The following IMPG2 variants were observed in gnomAD, a reference collection of about 807,000 sequenced individuals.
IMPG2 encodes interphotoreceptor matrix proteoglycan 2, also known as IPM 200.
A neutral mutation model predicts 129.2 loss-of-function variants in IMPG2; 91 were observed. The ratio of observed to expected loss-of-function variants is 0.70; its 90% CI spans 0.59 to 0.84. The LOEUF is 0.84. IMPG2 is among the 40% of genes least tolerant of loss of function. The pLI is 0.00. For synonymous variants in IMPG2, 510 were observed against 517.7 expected (o/e 0.99, Z 0.20); for missense variants, 1,430 against 1,461.7 (o/e 0.98, Z 0.35).
intron 18 of IMPG2, 36 bp from the exon 19 acceptor site, chr3:101,227,017 A>C (rs751353632): frequency 6.8e-5 from 110 of 1,611,678 alleles, no homozygotes; most frequent in Non-Finnish European, 9.3e-5. Context: ...TCAGTAAAAA[A>C]AAAGCAAGAA....
At chr3:101,311,948 A>C (rs938738344) in intron 2 of IMPG2, among the ~76,000 whole-genome samples, 1 of 152,198 alleles carries the variant, frequency 6.6e-6, no homozygotes, top group Non-Finnish European at 1.5e-5. Flanking sequence ...GGAAAAGAAT[A>C]GCCTTTTCGA....
At chr3:101,245,656 G>A in intron 12 of IMPG2, 146 bp downstream of exon 12, 1 of 776,332 alleles carries the variant, frequency 1.3e-6, no homozygotes. Flanking sequence ...AAATTTGATT[G>A]TTTCCTCTCA....
At position 101,224,383 on chromosome 3, in the gene IMPG2, T is replaced by C. The variant is rs2107197895; in HGVS notation, c.*2586A>G. 1 of 152,378 alleles carries C rather than the reference T, an allele frequency of 6.6e-6. No homozygotes were observed. Among genetic ancestry groups the C allele is most frequent in the African/African-American group, 2.4e-5 (1 of 41,594 alleles). The allele number at this position is 152,378 out of a possible 1,614,324, so 9.4% of individuals were successfully genotyped here. ...AAATGGTTATTTACCATGCATTTTA[T>C]TGCTAACTGCATTTTAGTATTTTCA... is the stretch of plus-strand genomic sequence containing the variant. On this transcript the variant is annotated 3_prime_UTR_variant, in exon 19 of 19. Coordinates refer to ENST00000193391, the MANE Select transcript of IMPG2 (RefSeq NM_016247.4).
Position 101,320,448 on chromosome 3 carries a change from CAA to C in IMPG2, c.-78_-77del. On this transcript the variant is annotated 5_prime_UTR_variant, in exon 1 of 19. It removes the in-frame stop codon of an upstream open reading frame in the 5' UTR. Transcript: ENST00000193391. ...TCCAAATCCTTGAAACTTCCAATAACAAAGAGTTATAGGAAAGACCTAACATT... is the reference window on the plus strand; with the variant it reads ...TCCAAATCCTTGAAACTTCCAATAACAGAGTTATAGGAAAGACCTAACATT... 1.1e-6 allele frequency: 1 copy of C among 892,236 alleles called. No homozygotes were observed. The highest frequency in any genetic ancestry group is 1.8e-5 in the Admixed American group (1 of 54,520). The allele number at this position is 892,236 out of a possible 1,614,324, so 55.3% of individuals were successfully genotyped here.
chr3:101,310,516 C>A (rs1168506016), intron 2 of IMPG2, among the ~76,000 whole-genome samples: 1 of 146,828 alleles, frequency 6.8e-6, no homozygotes, highest in South Asian at 2.1e-4. Flanking sequence ...GGTGTAATCA[C>A]ACCACTGCAC....
chr3:101,278,287 A>C (rs533514146), intron 4 of IMPG2, among the ~76,000 whole-genome samples: 7 of 152,296 alleles, frequency 4.6e-5, no homozygotes, highest in African/African-American at 1.7e-4. Context: ...AACTTCCTAA[A>C]GTAATTTGAT....
intron 10 of IMPG2, among the ~76,000 whole-genome samples, chr3:101,255,178 C>G (rs1706585420): frequency 6.6e-6 from 1 of 152,056 alleles, no homozygotes; most frequent in African/African-American, 2.4e-5. Context: ...AGGATCATAT[C>G]TTTTGAGATA....
In IMPG2 at chr3:101,223,629, G is replaced by A. The variant is rs1706188477; in HGVS notation, c.*3340C>T. 6.6e-6 allele frequency: 1 copy of A among 152,164 alleles called. No homozygotes were observed. Among genetic ancestry groups the A allele is most frequent in the South Asian group, 2.1e-4 (1 of 4,824 alleles). 9.4% of individuals were successfully genotyped at this position (152,164 alleles called of 1,614,324 possible). On this transcript the variant is annotated 3_prime_UTR_variant, in exon 19 of 19. Coordinates refer to ENST00000193391, the MANE Select transcript of IMPG2 (RefSeq NM_016247.4). ...ATACTTCAGCCAACCTACTTTTAGA[G>A]CCTACAAAGAATATTTGTGCAGTTT...
chr3:101,229,300 A>ACCCCCCCCCACCCCCCCCCCCCCC, intron 17 of IMPG2, 80 bp downstream of exon 17: 1 of 859,118 alleles, frequency 1.2e-6, no homozygotes. Flanking sequence ...ACTCATACAC[A>ACCCCCCCCCACCCCCCCCCCCCCC]CCCCCACCCA....
At chr3:101,309,932 A>G (rs1056136411) in intron 2 of IMPG2, among the ~76,000 whole-genome samples, 1 of 152,240 alleles carries the variant, frequency 6.6e-6, no homozygotes, top group African/African-American at 2.4e-5. Context: ...AAAAGAGCAC[A>G]TACTATTCTA....
chr3:101,268,616 T>C (rs890233964), intron 8 of IMPG2, among the ~76,000 whole-genome samples: 1 of 31,626 alleles, frequency 3.2e-5, no homozygotes, highest in Non-Finnish European at 8.8e-5. Flanking sequence ...TGTGTGTAAA[T>C]ATACATATAT....
chr3:101,277,170 G>T (rs62282875), intron 4 of IMPG2, among the ~76,000 whole-genome samples: 1 of 152,016 alleles, frequency 6.6e-6, no homozygotes, highest in Non-Finnish European at 1.5e-5. Flanking sequence ...AGCTGCATGT[G>T]GTTAATGGCC....
At chr3:101,302,222 T>C (rs923943363) in intron 3 of IMPG2, among the ~76,000 whole-genome samples, 13 of 152,236 alleles carry the variant, frequency 8.5e-5, no homozygotes, top group African/African-American at 3.1e-4. Flanking sequence ...CCTTCAAATA[T>C]AAATTTACTA....
chr3:101,247,739 T>C (rs1021794889), intron 11 of IMPG2, among the ~76,000 whole-genome samples: 1 of 152,206 alleles, frequency 6.6e-6, no homozygotes, highest in Non-Finnish European at 1.5e-5. Flanking sequence ...AGTTCCCTAG[T>C]AGAGGAAATG....
chr3:101,228,961 G>A (rs1021112200), intron 17 of IMPG2, 85 bp from the exon 18 acceptor site: 9 of 980,046 alleles, frequency 9.2e-6, no homozygotes, highest in African/African-American at 6.4e-5. Flanking sequence ...TTTTCATAAG[G>A]AATTGTTACA....
At chr3:101,235,673 C>T (rs2107210827) in intron 14 of IMPG2, among the ~76,000 whole-genome samples, 1 of 152,190 alleles carries the variant, frequency 6.6e-6, no homozygotes, top group South Asian at 2.1e-4. Context: ...AAAGGGTGCC[C>T]AGGTAGCTAA....
rs151199078 is a variant in IMPG2 at position 101,226,543 on chromosome 3, C to T, written c.*426G>A. The T allele has an allele frequency of 8.7e-3, 1,402 of 160,868 alleles. 15 individuals carry two copies. The highest frequency in any genetic ancestry group is 0.016 in the Middle Eastern group (5 of 314). The allele number at this position is 160,868 out of a possible 1,614,324, so 10.0% of individuals were successfully genotyped here. A position where few individuals can be genotyped will look rare whatever the true frequency, so the allele number is the denominator to read the frequency against. On this transcript the variant is annotated 3_prime_UTR_variant, in exon 19 of 19. Transcript: ENST00000193391. ...GGTTTCCCCTTCTACCCAACAATAA[C>T]AAATATGCTCCAAAATATTCCCTTA...
intron 6 of IMPG2, among the ~76,000 whole-genome samples, chr3:101,274,407 G>A (rs542923991): frequency 6.6e-6 from 1 of 152,162 alleles, no homozygotes; most frequent in East Asian, 1.9e-4. Flanking sequence ...GAATAAAGAT[G>A]TTGAAAAACT....
At chr3:101,296,921 G>A (rs770144383) in intron 3 of IMPG2, among the ~76,000 whole-genome samples, 2 of 152,120 alleles carry the variant, frequency 1.3e-5, no homozygotes, top group African/African-American at 2.4e-5. Flanking sequence ...TGTTGTTGTT[G>A]AGACAGAGTC....
Sources: gnomAD v4.1 joint callset for allele counts (sites outside exome capture counted in the v4.1 genomes callset) on GRCh38, gnomAD v4.1.1 for gene constraint, MANE v1.5 for transcripts, NCBI Gene and HGNC (gene_info 2026-07-23, HGNC 2026-07-21) for gene names.